Variants in ALDH1L1 observed in about 807,000 individuals in gnomAD.
ALDH1L1 encodes aldehyde dehydrogenase 1 family member L1.
Under a neutral mutation model 101.1 loss-of-function variants are expected in ALDH1L1, and 68 were observed. The ratio of observed to expected loss-of-function variants is 0.67; its 90% CI spans 0.55 to 0.82. ALDH1L1 has a LOEUF of 0.82. Among genes scored for constraint, ALDH1L1 ranks in the 40% least tolerant of loss-of-function variants. The pLI, the probability that ALDH1L1 is intolerant of heterozygous loss-of-function variation, is 0.00. For missense variants in ALDH1L1, 1,087 were observed against 1,172.7 expected, an observed-to-expected ratio of 0.93 and a Z score of 1.07; for synonymous variants, 486 against 470.8, an observed-to-expected ratio of 1.03 and a Z score of -0.42.
chr3:126,105,433 T>C (rs1171399799), intron 22 of ALDH1L1: 2 of 431,342 alleles, frequency 4.6e-6, no homozygotes, highest in East Asian at 4.9e-5. Flanking sequence ...CTCCCTGCTA[T>C]GCAGGTCTGG....
At position 126,136,759 on chromosome 3, in the gene ALDH1L1, C is replaced by T. The variant is rs372970242; in HGVS notation, c.1344+5G>A. 6 of 1,565,164 alleles carry T rather than the reference C, an allele frequency of 3.8e-6. No individual in the cohort carries two copies. Among genetic ancestry groups the T allele is most frequent in the African/African-American group, 1.4e-5 (1 of 73,934 alleles). Reference sequence around the variant, plus strand: ...GTGGAGAAGGGGTGCTGGGCCTGCACTCACACTTCCATCGGTGGGATTGAT... The same window carrying T: ...GTGGAGAAGGGGTGCTGGGCCTGCATTCACACTTCCATCGGTGGGATTGAT... On this transcript the variant is annotated splice_donor_5th_base_variant and intron_variant, in intron 11 of 22. Coordinates refer to ENST00000393434, the MANE Select transcript of ALDH1L1 (RefSeq NM_012190.4).
intron 20 of ALDH1L1, chr3:126,107,787 C>T (rs1007432619): frequency 6.4e-6 from 1 of 155,614 alleles, no homozygotes; most frequent in African/African-American, 2.4e-5. Flanking sequence ...AAGAAGGGAC[C>T]ACCTACTCCC....
rs369742734 is a variant in ALDH1L1 at position 126,136,809 on chromosome 3, G to A, written c.1299C>T (p.Ala433=). The change falls in exon 11 of 23, where the codon GCC becomes GCT. Residue 433 remains alanine (A), a synonymous_variant. Transcript: ENST00000393434. ...QLFIGGEFVD[A]EGAKTSETIN... ...TGGTCTCAGAGGTCTTGGCGCCCTC[G>A]GCATCCACGAACTCCCCCCCAATGA... The A allele has an allele frequency of 1.9e-5, 31 of 1,600,882 alleles. No individual in the cohort carries two copies. The highest frequency in any genetic ancestry group is 4.5e-5 in the East Asian group (2 of 44,576).
intron 2 of ALDH1L1, among the ~76,000 whole-genome samples, chr3:126,159,752 G>T (rs554470144): frequency 6.6e-6 from 1 of 152,276 alleles, no homozygotes; most frequent in African/African-American, 2.4e-5. Context: ...TTAGTGGCTG[G>T]GTGTAGGACC....
rs547560771 is a variant in ALDH1L1 at position 126,189,536 on chromosome 3, GAGA to G, written c.-24+8196_-24+8198del. Among the ~76,000 whole-genome samples, 886 of 152,278 alleles carry G rather than the reference GAGA, an allele frequency of 5.8e-3. 2 individuals are homozygous for G. Among genetic ancestry groups the G allele is most frequent in the Non-Finnish European group, 0.01 (683 of 68,020 alleles). The stretch of plus-strand genomic sequence containing the variant: ...AAAGCTTGGCTGCAGTGTGGGTAGT[GAGA>G]AGAACTTGCTGTGGTGCCTACCCAC... On this transcript the variant is annotated intron_variant, in intron 1 of 2. Transcript: ENST00000509952.
At chr3:126,157,097 A>G (rs2108293794) in intron 4 of ALDH1L1, among the ~76,000 whole-genome samples, 1 of 152,152 alleles carries the variant, frequency 6.6e-6, no homozygotes. Flanking sequence ...GGGCCCCAAA[A>G]TGTCCCCTTT....
chr3:126,156,989 G>C (rs1333190251), intron 4 of ALDH1L1, among the ~76,000 whole-genome samples: 1 of 152,172 alleles, frequency 6.6e-6, no homozygotes, highest in Non-Finnish European at 1.5e-5. Context: ...ACGAGTGAAG[G>C]AGAGAGAAAT....
At chr3:126,114,886 CT>C in intron 17 of ALDH1L1, 1 of 589,826 alleles carries the variant, frequency 1.7e-6, no homozygotes, top group Non-Finnish European at 3.2e-6. Context: ...CTGGACTGCC[CT>C]TCCTGCTGCC....
chr3:126,146,761 G>A (rs1442448837), intron 9 of ALDH1L1, 74 bp downstream of exon 9: 1 of 1,505,460 alleles, frequency 6.6e-7, no homozygotes, highest in South Asian at 1.2e-5. Context: ...GTTGTTTCCT[G>A]CTGCTCAGTT....
At chr3:126,189,158 A>G (rs186997183) in intron 1 of ALDH1L1, among the ~76,000 whole-genome samples, 1 of 152,348 alleles carries the variant, frequency 6.6e-6, no homozygotes, top group Admixed American at 6.5e-5. Context: ...GTATGTTCCT[A>G]AAGTTAATCA....
intron 20 of ALDH1L1, among the ~76,000 whole-genome samples, chr3:126,108,894 A>G (rs1180289771): frequency 6.6e-6 from 1 of 152,192 alleles, no homozygotes; most frequent in Non-Finnish European, 1.5e-5. Flanking sequence ...AGGATGGGTC[A>G]CTGCTGCAAG....
chr3:126,104,645 C>A, intron 22 of ALDH1L1: 1 of 152,912 alleles, frequency 6.5e-6, no homozygotes. Flanking sequence ...AAGAGGAGGC[C>A]GACAGGGACA....
rs145881346 is a variant in ALDH1L1 at position 126,167,088 on chromosome 3, A to T, written c.-23-6086T>A. 7.7e-3 allele frequency among the ~76,000 whole-genome samples: 1,174 copies of T among 152,286 alleles called. 18 individuals are homozygous for T. Among genetic ancestry groups the T allele is most frequent in the African/African-American group, 0.027 (1,124 of 41,552 alleles). On this transcript the variant is annotated intron_variant, in intron 1 of 22. Coordinates refer to ENST00000393434, the MANE Select transcript of ALDH1L1 (RefSeq NM_012190.4). ...ATCTACGTAGGTTCAGTCAAATCCAACCATAAATTCAAGTTATTATACTAT... is the reference window on the plus strand; with the variant it reads ...ATCTACGTAGGTTCAGTCAAATCCATCCATAAATTCAAGTTATTATACTAT...
At position 126,191,956 on chromosome 3, in the gene ALDH1L1, C is replaced by T. The variant is rs142065170; in HGVS notation, c.-24+5779G>A. On this transcript the variant is annotated intron_variant, in intron 1 of 2. Transcript: ENST00000509952. The stretch of plus-strand genomic sequence containing the variant: ...GTAATGCCTGGGAAAAATAAGGAGG[C>T]GCTTCAGGAAACCTCTGTGGCATTA... Among the ~76,000 whole-genome samples the T allele has an allele frequency of 2.3e-3, 349 of 152,212 alleles. 1 individual carries two copies. The highest frequency in any genetic ancestry group is 7.0e-3 in the African/African-American group (289 of 41,540).
chr3:126,134,723 G>T (rs1345798630), intron 12 of ALDH1L1, among the ~76,000 whole-genome samples: 1 of 152,234 alleles, frequency 6.6e-6, no homozygotes, highest in South Asian at 2.1e-4. Flanking sequence ...CCAAGGCAGG[G>T]TCTCTCCTGC....
intron 1 of ALDH1L1, among the ~76,000 whole-genome samples, chr3:126,162,012 C>T (rs1438495833): frequency 6.6e-6 from 1 of 152,102 alleles, no homozygotes; most frequent in Non-Finnish European, 1.5e-5. Context: ...TTTTCTCCCT[C>T]AACATTATCT....
rs2080659946 is a variant in ALDH1L1 at position 126,145,675 on chromosome 3, A to C, written c.1076+1160T>G. Among the ~76,000 whole-genome samples, 10 of 152,220 alleles carry C rather than the reference A, an allele frequency of 6.6e-5. No individual in the cohort carries two copies. The South Asian group carries it at 2.1e-3, about 31-fold the overall frequency. ...AGAATGGCTGTTGCTGGGGCTAGGG[A>C]GAAGGAAATGGGGAGTGGCTGTTCA... On this transcript the variant is annotated intron_variant, in intron 9 of 22. Transcript: ENST00000393434.
chr3:126,150,513 G>A lies in ALDH1L1; in HGVS notation c.877C>T (p.Gln293Ter), dbSNP rs146366159. The A allele has an allele frequency of 1.7e-5, 26 of 1,551,168 alleles. No individual in the cohort carries two copies. Among genetic ancestry groups the A allele is most frequent in the African/African-American group, 9.6e-5 (7 of 73,032 alleles). Residue 293 changes from glutamine to a stop codon, truncating the protein, a stop_gained, in exon 8 of 23, where the codon CAG becomes TAG. Coordinates refer to ENST00000393434, the MANE Select transcript of ALDH1L1 (RefSeq NM_012190.4). LOFTEE classifies it high-confidence loss of function. ...AGGATCATTTTGCCATCCTCCAGCT[G>A]AATATTCTTCACCAGCAGCTGCAAA... is the stretch of plus-strand genomic sequence containing the variant. ...DDKMLLVKNI[Q>*]LEDGKMILAS...
intron 1 of ALDH1L1, among the ~76,000 whole-genome samples, chr3:126,161,484 G>A (rs929840743): frequency 3.3e-5 from 5 of 152,188 alleles, no homozygotes; most frequent in East Asian, 1.9e-4. Flanking sequence ...AGTCCCCGCC[G>A]AAGGGGCTGT....
Sources: gnomAD v4.1 joint callset for allele counts (sites outside exome capture counted in the v4.1 genomes callset) on GRCh38, gnomAD v4.1.1 for gene constraint, MANE v1.5 for transcripts, NCBI Gene and HGNC (gene_info 2026-07-23, HGNC 2026-07-21) for gene names.